The following AP3B2 variants were observed in gnomAD, a reference collection of about 807,000 sequenced individuals.
AP3B2 encodes AP-3 complex subunit beta-2.
Under a neutral mutation model 126.9 loss-of-function variants are expected in AP3B2, and 50 were observed. The ratio of observed to expected loss-of-function variants is 0.39; its 90% CI spans 0.31 to 0.50. The LOEUF is 0.50. AP3B2 is among the 20% of genes least tolerant of loss of function. AP3B2 has a pLI of 0.79. For missense variants in AP3B2, 1,177 were observed against 1,426.4 expected, an observed-to-expected ratio of 0.83 and a Z score of 2.82; for synonymous variants, 541 against 565.0, an observed-to-expected ratio of 0.96 and a Z score of 0.60.
intron 1 of AP3B2, among the ~76,000 whole-genome samples, chr15:82,690,140 A>G (rs1188765009): frequency 6.6e-6 from 1 of 152,064 alleles, no homozygotes; most frequent in Non-Finnish European, 1.5e-5. Context: ...CAGAGGGAGC[A>G]TGGTCCTGCC....
At chr15:82,688,290 T>C (rs1048325135) in intron 4 of AP3B2, 1 of 628,436 alleles carries the variant, frequency 1.6e-6, no homozygotes, top group Non-Finnish European at 2.9e-6. Flanking sequence ...TAAATCCAAC[T>C]AGAGGCCTTG....
Position 82,677,279 on chromosome 15 carries a change from T to G in AP3B2, c.1483A>C (p.Ile495Leu). ...IKHLAKLTDNIQVPMARASIL... is the reference protein window; with the variant it reads ...IKHLAKLTDNLQVPMARASIL... The stretch of plus-strand genomic sequence containing the variant: ...AAATATGGCTTCTCCCTCACCTGGA[T>G]GTTGTCTGTAAGCTTTGCCAAGTGT... Residue 495 changes from isoleucine (I) to leucine (L), a missense_variant, in exon 13 of 27, where the codon ATC (isoleucine) becomes CTC (leucine). By Grantham distance (5) the Ile-to-Leu change is conservative (BLOSUM62 2). Coordinates refer to ENST00000535359, the MANE Select transcript of AP3B2 (RefSeq NM_001278512.2). 6.2e-7 allele frequency: 1 copy of G among 1,612,592 alleles called. No homozygotes were observed. Among genetic ancestry groups the G allele is most frequent in the Non-Finnish European group, 8.5e-7 (1 of 1,179,178 alleles).
intron 3 of AP3B2, 93 bp downstream of exon 3, chr15:82,689,065 C>T (rs773804882): frequency 2.8e-6 from 4 of 1,448,662 alleles, no homozygotes; most frequent in Non-Finnish European, 3.8e-6. Flanking sequence ...AGGTCGGGCC[C>T]CCAGGGGCTA....
Position 82,664,575 on chromosome 15 carries a change from TC to T in AP3B2, c.2138-86del. The T allele has an allele frequency of 1.3e-6, 2 of 1,525,992 alleles. No homozygotes were observed. The highest frequency in any genetic ancestry group is 2.4e-5 in the South Asian group (2 of 83,390). The allele number at this position is 1,525,992 out of a possible 1,614,324, so 94.5% of individuals were successfully genotyped here. A position where few individuals can be genotyped will look rare whatever the true frequency, so the allele number is the denominator to read the frequency against. ...AGACACCTGGGTTCCACCTTCACAT[TC>T]AGTACTGAACCCTCAAACCTCTCTG... On this transcript the variant is annotated intron_variant, in intron 18 of 26. Transcript: ENST00000535359. This position sits in a 1 kb window ranked among gnomAD's most constrained non-coding sequence, Gnocchi z 4.5.
Position 82,680,574 on chromosome 15 carries a change from G to A in AP3B2, c.953C>T (p.Ala318Val). Reference protein sequence around the residue: ...NTKPLLQSRSAAVVMAVAQLY... With the variant: ...NTKPLLQSRSVAVVMAVAQLY... ...CTGCGCCACCGCCATCACCACCGCG[G>A]CGCTGCGGCTCTGCAGCAGGGGTTT... The change falls in exon 8 of 27, where the codon GCC becomes GTC. Residue 318 changes from alanine (A) to valine (V), a missense_variant. By Grantham distance (64) the Ala-to-Val change is moderately conservative. Coordinates refer to ENST00000535359, the MANE Select transcript of AP3B2 (RefSeq NM_001278512.2). This position sits in a 1 kb window ranked among gnomAD's most constrained non-coding sequence, Gnocchi z 6.1. 6.3e-7 allele frequency: 1 copy of A among 1,586,052 alleles called. No individual in the cohort carries two copies. The highest frequency in any genetic ancestry group is 8.5e-7 in the Non-Finnish European group (1 of 1,173,196).
Position 82,665,879 on chromosome 15 carries a change from G to A in AP3B2, c.1853-304C>T, listed in dbSNP as rs1346320449. 6.6e-6 allele frequency among the ~76,000 whole-genome samples: 1 copy of A among 152,212 alleles called. No homozygotes were observed. Among genetic ancestry groups the A allele is most frequent in the Non-Finnish European group, 1.5e-5 (1 of 68,038 alleles). ...GCCGACCTGTCTGCTCAGCATGCAC[G>A]TCTAGTCAGGCTCTGGACTCAGCAG... On this transcript the variant is annotated intron_variant, in intron 15 of 26. Transcript: ENST00000535359. This position sits in a 1 kb window ranked among gnomAD's most constrained non-coding sequence, Gnocchi z 4.4.
intron 14 of AP3B2, among the ~76,000 whole-genome samples, chr15:82,672,505 A>G (rs2048174675): frequency 6.6e-6 from 1 of 152,172 alleles, no homozygotes; most frequent in African/African-American, 2.4e-5. Context: ...AATGGGTACA[A>G]AATTATAGTT....
intron 10 of AP3B2, among the ~76,000 whole-genome samples, chr15:82,678,654 A>T (rs2048282327): frequency 6.6e-6 from 1 of 152,208 alleles, no homozygotes; most frequent in Non-Finnish European, 1.5e-5. Context: ...CTCAGGCTTC[A>T]GCTCAAGTCT....
At chr15:82,697,053 C>T (rs2048639504) in intron 1 of AP3B2, among the ~76,000 whole-genome samples, 1 of 152,100 alleles carries the variant, frequency 6.6e-6, no homozygotes, top group Non-Finnish European at 1.5e-5. Context: ...AAAATCAGGC[C>T]GGGCACGGTG....
At chr15:82,679,591 C>G in intron 10 of AP3B2, 138 bp downstream of exon 10, 3 of 774,262 alleles carry the variant, frequency 3.9e-6, no homozygotes, top group Non-Finnish European at 6.4e-6. Flanking sequence ...GAACAAACAG[C>G]TCCAGCTGGG....
chr15:82,675,941 C>T (rs976777758), intron 14 of AP3B2, among the ~76,000 whole-genome samples: 1 of 152,144 alleles, frequency 6.6e-6, no homozygotes, highest in African/African-American at 2.4e-5. Flanking sequence ...CCTGATACTA[C>T]AACTTAGTTG....
At chr15:82,677,936 C>T (rs767601887) in intron 11 of AP3B2, 133 bp from the exon 12 acceptor site, 10 of 1,348,594 alleles carry the variant, frequency 7.4e-6, no homozygotes, top group Non-Finnish European at 1.0e-5. Context: ...GACAACTCCA[C>T]CCCCAATCCA....
At chr15:82,703,598 T>C (rs1292447484) in intron 1 of AP3B2, among the ~76,000 whole-genome samples, 1 of 152,142 alleles carries the variant, frequency 6.6e-6, no homozygotes, top group South Asian at 2.1e-4. Flanking sequence ...AACTCAACAA[T>C]GGTTCCAAAT....
chr15:82,694,866 T>C (rs144686076), intron 1 of AP3B2, among the ~76,000 whole-genome samples: 1 of 152,158 alleles, frequency 6.6e-6, no homozygotes. Context: ...ATATATTTGG[T>C]CTCTATACCC....
chr15:82,680,263 C>T lies in AP3B2; in HGVS notation c.1056-34G>A. 6.2e-7 allele frequency: 1 copy of T among 1,613,186 alleles called. No homozygotes were observed. The highest frequency in any genetic ancestry group is 8.5e-7 in the Non-Finnish European group (1 of 1,179,730). ...AGGACGGGTCAGAGCACCCCGGGCC[C>T]CTCGGTTGGGGCAAGGGTCAGCGGA... is the stretch of plus-strand genomic sequence containing the variant. On this transcript the variant is annotated intron_variant, in intron 8 of 26. Coordinates refer to ENST00000535359, the MANE Select transcript of AP3B2 (RefSeq NM_001278512.2). The surrounding 1 kb of genome is among the most constrained non-coding windows in gnomAD (Gnocchi z 6.1).
chr15:82,676,745 T>C, intron 13 of AP3B2, 108 bp from the exon 14 acceptor site: 2 of 1,136,374 alleles, frequency 1.8e-6, no homozygotes, highest in South Asian at 3.2e-5. Context: ...GCCTGTTGTA[T>C]TATGGGTTCT....
intron 1 of AP3B2, among the ~76,000 whole-genome samples, chr15:82,705,628 C>A (rs140881134): frequency 9.8e-5 from 15 of 152,308 alleles, no homozygotes; most frequent in African/African-American, 3.6e-4. Context: ...CAAGGCTTCA[C>A]GGACAGCCCC....
chr15:82,672,181 A>G (rs1404433200), intron 14 of AP3B2, among the ~76,000 whole-genome samples: 2 of 152,270 alleles, frequency 1.3e-5, no homozygotes, highest in African/African-American at 2.4e-5. Context: ...ACTGTTCACC[A>G]TAGCCAAGAT....
Position 82,663,210 on chromosome 15 carries a change from C to T in AP3B2, c.2521G>A (p.Val841Met), listed in dbSNP as rs1354257531. Residue 841 changes from valine (V) to methionine (M), a missense_variant, in exon 22 of 27, where the codon GTG becomes ATG. By Grantham distance (21) the Val-to-Met change is conservative. Coordinates refer to ENST00000535359, the MANE Select transcript of AP3B2 (RefSeq NM_001278512.2). ...GTAGACACAATTGCTGGGGGAGACACAGGCTGGACACTGGGAGGGGTGACT... is the reference window on the plus strand; with the variant it reads ...GTAGACACAATTGCTGGGGGAGACATAGGCTGGACACTGGGAGGGGTGACT... ...EDFTPPSVQP[V>M]SPPAIVSTSL... 4 of 1,613,118 alleles carry T rather than the reference C, an allele frequency of 2.5e-6. No individual in the cohort carries two copies. Among genetic ancestry groups the T allele is most frequent in the Non-Finnish European group, 3.4e-6 (4 of 1,179,730 alleles).
Sources: gnomAD v4.1 joint callset for allele counts (sites outside exome capture counted in the v4.1 genomes callset) on GRCh38, gnomAD v4.1.1 for gene constraint, Gnocchi (gnomAD v3.1) non-coding constraint, MANE v1.5 for transcripts, NCBI Gene and HGNC (gene_info 2026-07-23, HGNC 2026-07-21) for gene names.